The following TSPAN19 variants were observed in gnomAD, a reference collection of about 807,000 sequenced individuals.
TSPAN19 encodes tetraspanin 19.
TSPAN19 carries 44 observed loss-of-function variants against 35.1 expected under a neutral mutation model. The ratio of observed to expected loss-of-function variants is 1.25; its 90% CI spans 0.98 to 1.61. The LOEUF (loss-of-function observed/expected upper bound fraction) is 1.61, where lower values mean the gene tolerates loss of function less well. TSPAN19 is among the 40% of genes most tolerant of loss of function. TSPAN19 has a pLI of 0.00. For missense variants in TSPAN19, 290 were observed against 280.0 expected (o/e 1.04, Z -0.26); for synonymous variants, 79 against 92.0 (o/e 0.86, Z 0.81).
intron 5 of TSPAN19, among the ~76,000 whole-genome samples, chr12:85,021,793 T>C (rs148422299): frequency 6.6e-6 from 1 of 152,244 alleles, no homozygotes; most frequent in African/African-American, 2.4e-5. Context: ...GGTCAGCTAA[T>C]GAGTATTTGA....
chr12:85,030,197 C>A (rs561724688), intron 1 of TSPAN19, among the ~76,000 whole-genome samples: 2 of 152,130 alleles, frequency 1.3e-5, no homozygotes, highest in Middle Eastern at 3.4e-3. Flanking sequence ...AAATATATAT[C>A]TGCAATGCTT....
At chr12:85,033,087 G>T (rs1877758671) in intron 1 of TSPAN19, among the ~76,000 whole-genome samples, 1 of 152,066 alleles carries the variant, frequency 6.6e-6, no homozygotes, top group Admixed American at 6.6e-5. Context: ...ATTATGTGTT[G>T]AGGTGGGGAC....
intron 4 of TSPAN19, 55 bp downstream of exon 4, chr12:85,027,844 T>A: frequency 6.7e-7 from 1 of 1,490,792 alleles, no homozygotes; most frequent in Non-Finnish European, 9.0e-7. Flanking sequence ...TTTGTGTAAC[T>A]TAGATACTTA....
intron 4 of TSPAN19, among the ~76,000 whole-genome samples, chr12:85,025,376 G>A (rs1435024631): frequency 6.6e-6 from 1 of 152,068 alleles, no homozygotes; most frequent in Non-Finnish European, 1.5e-5. Context: ...CTGGTCTCAG[G>A]TGATCTGCCC....
Position 85,027,947 on chromosome 12 carries a change from T to C in TSPAN19, c.216A>G (p.Leu72=), listed in dbSNP as rs766856691. 3.1e-6 allele frequency: 5 copies of C among 1,598,782 alleles called. No individual in the cohort carries two copies. The South Asian group carries it at 3.4e-5, about 11-fold the overall frequency. The change falls in exon 4 of 9, where the codon CTA becomes CTG. Residue 72 remains leucine (L), a synonymous_variant. Transcript: ENST00000532498. ...CGTTGTGAATTCCTATATAACCCAATAGACAAAAAAGAACAGTAGAAGATC... is the reference window on the plus strand; with the variant it reads ...CGTTGTGAATTCCTATATAACCCAACAGACAAAAAAGAACAGTAGAAGATC... ...GMGSSTVLFC[L]LGYIGIHNEI... is the part of the protein sequence containing the mutation.
At chr12:85,026,417 A>G (rs916422913) in intron 4 of TSPAN19, among the ~76,000 whole-genome samples, 4 of 152,188 alleles carry the variant, frequency 2.6e-5, no homozygotes, top group Admixed American at 2.6e-4. Flanking sequence ...GTCTCTTCTT[A>G]GACTAAAAAG....
At chr12:85,018,369 G>T (rs77165427) in intron 6 of TSPAN19, among the ~76,000 whole-genome samples, 17,347 of 151,878 alleles carry the variant, frequency 0.11, 1,351 homozygotes, top group Middle Eastern at 0.23. Flanking sequence ...AATATTGATT[G>T]AGAGTTAGGT....
At position 85,014,349 on chromosome 12, in the gene TSPAN19, T is replaced by G. The variant is rs1381159566; in HGVS notation, c.*138A>C. 1 of 562,304 alleles carries G rather than the reference T, an allele frequency of 1.8e-6. No homozygotes were observed. The highest frequency in any genetic ancestry group is 3.1e-6 in the Non-Finnish European group (1 of 319,300). The allele number at this position is 562,304 out of a possible 1,614,324, so 34.8% of individuals were successfully genotyped here. A position where few individuals can be genotyped will look rare whatever the true frequency, so the allele number is the denominator to read the frequency against. On this transcript the variant is annotated 3_prime_UTR_variant, in exon 9 of 9. Coordinates refer to ENST00000532498, the MANE Select transcript of TSPAN19 (RefSeq NM_001100917.2). The stretch of plus-strand genomic sequence containing the variant: ...ATGAATGTTTTATTATAGTATTCAG[T>G]AATTCAATATTACATATAATTAATA...
At position 85,019,681 on chromosome 12, in the gene TSPAN19, T is replaced by G; in HGVS notation, c.395A>C (p.Lys132Thr). 6.2e-7 allele frequency: 1 copy of G among 1,610,426 alleles called. No individual in the cohort carries two copies. Among genetic ancestry groups the G allele is most frequent in the South Asian group, 1.1e-5 (1 of 90,806 alleles). The change falls in exon 6 of 9, where the codon AAA (lysine) becomes ACA (threonine). Residue 132 changes from lysine to threonine, a missense_variant. Coordinates refer to ENST00000532498, the MANE Select transcript of TSPAN19 (RefSeq NM_001100917.2). Reference protein sequence around the residue: ...IDFVISEYGSKDKPEDITKWT... With the variant: ...IDFVISEYGSTDKPEDITKWT... ...CTTGGTTATATCTTCAGGCTTATCT[T>G]TAGATCCATACTCAGAAATGACAAA...
intron 1 of TSPAN19, among the ~76,000 whole-genome samples, chr12:85,031,237 T>C (rs534345756): frequency 6.6e-6 from 1 of 152,294 alleles, no homozygotes; most frequent in African/African-American, 2.4e-5. Context: ...TCCTATTGTC[T>C]TATTCTTTAA....
chr12:85,029,339 T>G (rs1307901818), intron 3 of TSPAN19, among the ~76,000 whole-genome samples: 1 of 152,162 alleles, frequency 6.6e-6, no homozygotes, highest in Admixed American at 6.6e-5. Flanking sequence ...ATTGTACATA[T>G]TCATGGGTGT....
Position 85,027,951 on chromosome 12 carries a change from CA to C in TSPAN19, c.211del (p.Cys71ValfsTer6). The C allele has an allele frequency of 6.3e-7, 1 of 1,596,980 alleles. No individual in the cohort carries two copies. ...IGMGSSTVLF[C>X]LLGYIGIHNE... ...GTGAATTCCTATATAACCCAATAGA[CA>C]AAAAAGAACAGTAGAAGATCCCATT... On this transcript the variant is annotated frameshift_variant, in exon 4 of 9. Coordinates refer to ENST00000532498, the MANE Select transcript of TSPAN19 (RefSeq NM_001100917.2). LOFTEE classifies it high-confidence loss of function.
At chr12:85,029,478 T>C (rs934548912) in intron 3 of TSPAN19, among the ~76,000 whole-genome samples, 2 of 152,116 alleles carry the variant, frequency 1.3e-5, no homozygotes, top group Non-Finnish European at 2.9e-5. Context: ...GACTATGTAA[T>C]ACATTATTGT....
At chr12:85,025,375 G>C (rs1437044424) in intron 4 of TSPAN19, among the ~76,000 whole-genome samples, 1 of 152,060 alleles carries the variant, frequency 6.6e-6, no homozygotes, top group Non-Finnish European at 1.5e-5. Flanking sequence ...GCTGGTCTCA[G>C]GTGATCTGCC....
chr12:85,030,028 C>T, intron 1 of TSPAN19, 55 bp from the exon 2 acceptor site: 1 of 1,256,498 alleles, frequency 8.0e-7, no homozygotes, highest in Non-Finnish European at 1.1e-6. Context: ...TTAAATATTT[C>T]TCCCTACTTA....
chr12:85,030,729 A>T (rs1005316973), intron 1 of TSPAN19, among the ~76,000 whole-genome samples: 1 of 152,182 alleles, frequency 6.6e-6, no homozygotes, highest in East Asian at 1.9e-4. Flanking sequence ...ATTAAAACTT[A>T]TTTTCCAGGT....
At position 85,017,547 on chromosome 12, in the gene TSPAN19, T is replaced by A. The variant is rs776821869; in HGVS notation, c.503A>T (p.Lys168Ile). ...ACATGGCACCTGTCCTGAATTTTCT[T>A]TGTTCTTATTCTTTATCCAGTCTGT... Reference protein sequence around the residue: ...NYTDWIKNKNKENSGQVPCSC... With the variant: ...NYTDWIKNKNIENSGQVPCSC... The change falls in exon 7 of 9, where the codon AAA (lysine) becomes ATA (isoleucine). Residue 168 changes from lysine (K) to isoleucine (I), a missense_variant. Coordinates refer to ENST00000532498, the MANE Select transcript of TSPAN19 (RefSeq NM_001100917.2). 6.3e-7 allele frequency: 1 copy of A among 1,597,386 alleles called. No homozygotes were observed.
intron 5 of TSPAN19, 79 bp downstream of exon 5, chr12:85,023,247 G>T: frequency 8.4e-7 from 1 of 1,184,542 alleles, no homozygotes; most frequent in Non-Finnish European, 1.2e-6. Flanking sequence ...TAGGATCAAT[G>T]GTCTCAATAC....
chr12:85,033,265 T>C (rs1028335985), intron 1 of TSPAN19, among the ~76,000 whole-genome samples: 29 of 152,006 alleles, frequency 1.9e-4, no homozygotes, highest in African/African-American at 7.0e-4. Flanking sequence ...TAAGGAGGCA[T>C]GGATCAGAGT....
Sources: gnomAD v4.1 joint callset for allele counts (sites outside exome capture counted in the v4.1 genomes callset) on GRCh38, gnomAD v4.1.1 for gene constraint, MANE v1.5 for transcripts, NCBI Gene and HGNC (gene_info 2026-07-23, HGNC 2026-07-21) for gene names.